The following TMEM184B variants were observed in gnomAD, a reference collection of about 807,000 sequenced individuals.
TMEM184B encodes putative MAPK-activating protein FM08.
Under a neutral mutation model 41.8 loss-of-function variants are expected in TMEM184B, and 17 were observed. The ratio of observed to expected loss-of-function variants is 0.41; its 90% CI spans 0.28 to 0.61. The LOEUF (loss-of-function observed/expected upper bound fraction) is 0.61. TMEM184B is among the 20% of genes least tolerant of loss of function. The pLI is 0.34. For missense variants in TMEM184B, 393 were observed against 557.8 expected, an observed-to-expected ratio of 0.70 and a Z score of 2.98; for synonymous variants, 240 against 229.5, an observed-to-expected ratio of 1.05 and a Z score of -0.41.
chr22:38,225,603 G>A lies in TMEM184B; in HGVS notation c.618-10C>T, dbSNP rs774748913. 24 of 1,601,086 alleles carry A rather than the reference G, an allele frequency of 1.5e-5. No homozygotes were observed. Among genetic ancestry groups the A allele is most frequent in the Middle Eastern group, 1.7e-4 (1 of 6,016 alleles). Reference sequence around the variant, plus strand: ...GTAGCCACTGGTGACGCTGCGGGACGGGGAGCATTTTCTGGCTGGGACAGA... The same window carrying A: ...GTAGCCACTGGTGACGCTGCGGGACAGGGAGCATTTTCTGGCTGGGACAGA... On this transcript the variant is annotated splice_polypyrimidine_tract_variant and intron_variant, in intron 6 of 8. Coordinates refer to ENST00000361906, the MANE Select transcript of TMEM184B (RefSeq NM_012264.5). The surrounding 1 kb of genome is among the most constrained non-coding windows in gnomAD (Gnocchi z 4.4).
At position 38,226,996 on chromosome 22, in the gene TMEM184B, G is replaced by A. The variant is rs989915636; in HGVS notation, c.526-126C>T. On this transcript the variant is annotated intron_variant, in intron 5 of 8. Transcript: ENST00000361906. This position sits in a 1 kb window ranked among gnomAD's most constrained non-coding sequence, Gnocchi z 4.6. ...AGAGGATGAAGGAGACGGAGAGGAC[G>A]GAGGGATGGAGGGACGGAGGGGATG... The A allele has an allele frequency of 5.0e-5, 45 of 904,410 alleles. No individual in the cohort carries two copies. The Middle Eastern group carries it at 1.6e-3, about 31-fold the overall frequency. 56.0% of individuals were successfully genotyped at this position (904,410 alleles called of 1,614,324 possible). A position where few individuals can be genotyped will look rare whatever the true frequency, so the allele number is the denominator to read the frequency against.
At chr22:38,264,102 G>A (rs1755120439) in intron 1 of TMEM184B, among the ~76,000 whole-genome samples, 1 of 152,224 alleles carries the variant, frequency 6.6e-6, no homozygotes. Context: ...ACCGCGACCA[G>A]CCAATACATA....
chr22:38,232,723 T>C (rs1423192193), intron 3 of TMEM184B, among the ~76,000 whole-genome samples: 1 of 152,046 alleles, frequency 6.6e-6, no homozygotes, highest in Non-Finnish European at 1.5e-5. Context: ...GCTTGGCACT[T>C]GATCTTTCAA....
chr22:38,232,479 G>A (rs1465122892), intron 3 of TMEM184B, among the ~76,000 whole-genome samples: 1 of 152,164 alleles, frequency 6.6e-6, no homozygotes, highest in Non-Finnish European at 1.5e-5. Context: ...GAAGGCGGGG[G>A]AAGGGGTGCA....
chr22:38,221,797 A>C (rs2146050437), intron 8 of TMEM184B, 87 bp from the exon 9 acceptor site: 3 of 1,543,972 alleles, frequency 1.9e-6, no homozygotes, highest in Non-Finnish European at 2.6e-6. Flanking sequence ...ATCCTGGGAC[A>C]GACACCCCCC....
chr22:38,269,248 T>C (rs2145794648), intron 1 of TMEM184B, among the ~76,000 whole-genome samples: 1 of 152,332 alleles, frequency 6.6e-6, no homozygotes, highest in South Asian at 2.1e-4. Flanking sequence ...GACGGAGTCT[T>C]GTTCTATCAC....
intron 3 of TMEM184B, among the ~76,000 whole-genome samples, chr22:38,245,540 G>T (rs35927814): frequency 2.2e-5 from 3 of 134,894 alleles, no homozygotes; most frequent in African/African-American, 5.7e-5. Flanking sequence ...GAGACCCAGG[G>T]GGAGGGCCCT....
rs2091451199 is a variant in TMEM184B, at chr22:38,226,741, A to G, written c.617+38T>C. On this transcript the variant is annotated intron_variant, in intron 6 of 8. Coordinates refer to ENST00000361906, the MANE Select transcript of TMEM184B (RefSeq NM_012264.5). The surrounding 1 kb of genome is among the most constrained non-coding windows in gnomAD (Gnocchi z 4.6). ...AGCCAAGGCACCAGCCTGCGCCAAC[A>G]CTCCTCCCACACACCCCGGGGAGCA... The G allele has an allele frequency of 2.6e-6, 4 of 1,555,144 alleles. No individual in the cohort carries two copies. Among genetic ancestry groups the G allele is most frequent in the East Asian group, 2.4e-5 (1 of 41,844 alleles).
chr22:38,225,043 CA>C lies in TMEM184B; in HGVS notation c.788-65del. ...TCCTTTCCTGCTCCCCCTTCTTCCA[CA>C]ATGCCCCATTCAGCTGCCCACATGC... is the stretch of plus-strand genomic sequence containing the variant. On this transcript the variant is annotated intron_variant, in intron 7 of 8. Transcript: ENST00000361906. The surrounding 1 kb of genome is among the most constrained non-coding windows in gnomAD (Gnocchi z 4.4). The C allele has an allele frequency of 2.0e-6, 3 of 1,467,368 alleles. No individual in the cohort carries two copies. Among genetic ancestry groups the C allele is most frequent in the Non-Finnish European group, 2.7e-6 (3 of 1,104,462 alleles). 90.9% of individuals were successfully genotyped at this position (1,467,368 alleles called of 1,614,324 possible).
At chr22:38,256,333 C>G (rs9610924) in intron 1 of TMEM184B, among the ~76,000 whole-genome samples, 50,136 of 151,828 alleles carry the variant, frequency 0.33, 8,438 homozygotes, top group Middle Eastern at 0.4. Flanking sequence ...CCTGCCTCAG[C>G]CTCCCAAGTA....
chr22:38,241,905 A>AAAAAAAAAAAAAAAAAC (rs2091917961), intron 3 of TMEM184B, among the ~76,000 whole-genome samples: 1 of 150,296 alleles, frequency 6.7e-6, no homozygotes, highest in Non-Finnish European at 1.5e-5. Flanking sequence ...AAAAAAAAAA[A>AAAAAAAAAAAAAAAAAC]AAGAACGAGA....
At chr22:38,217,106 C>A (rs1230741123), downstream of TMEM184B, among the ~76,000 whole-genome samples, 1 of 151,672 alleles carries the variant, frequency 6.6e-6, no homozygotes, top group Non-Finnish European at 1.5e-5. Context: ...GCGGGTGGAT[C>A]ATTTGAGGTC....
intron 1 of TMEM184B, among the ~76,000 whole-genome samples, chr22:38,265,463 T>G (rs1397563321): frequency 6.6e-6 from 1 of 152,102 alleles, no homozygotes; most frequent in Non-Finnish European, 1.5e-5. Context: ...GGGTAGCTAC[T>G]CAGCAGGAAG....
chr22:38,229,491 A>T (rs1051414409), intron 5 of TMEM184B, among the ~76,000 whole-genome samples: 1 of 152,242 alleles, frequency 6.6e-6, no homozygotes, highest in African/African-American at 2.4e-5. Flanking sequence ...TCAGAGGAAA[A>T]GCTGGAAATC....
downstream of TMEM184B, among the ~76,000 whole-genome samples, chr22:38,217,878 G>T (rs2091170013): frequency 1.3e-5 from 2 of 151,222 alleles, no homozygotes; most frequent in East Asian, 3.9e-4. Flanking sequence ...CAATTAGCCA[G>T]TCATGGTGGT....
At chr22:38,254,342 G>A (rs1384527209) in intron 1 of TMEM184B, among the ~76,000 whole-genome samples, 3 of 152,138 alleles carry the variant, frequency 2.0e-5, no homozygotes, top group African/African-American at 4.8e-5. Context: ...GCTCATGCCT[G>A]TAATCCCAAA....
Position 38,226,717 on chromosome 22 carries a change from G to T in TMEM184B, c.617+62C>A. 6.6e-7 allele frequency: 1 copy of T among 1,512,734 alleles called. No homozygotes were observed. The highest frequency in any genetic ancestry group is 9.0e-7 in the Non-Finnish European group (1 of 1,114,016). The allele number at this position is 1,512,734 out of a possible 1,614,324, so 93.7% of individuals were successfully genotyped here. Reference sequence around the variant, plus strand: ...CCACTCTGGCTGCCCCCTTCCCTGAGCCAAGGCACCAGCCTGCGCCAACAC... The same window carrying T: ...CCACTCTGGCTGCCCCCTTCCCTGATCCAAGGCACCAGCCTGCGCCAACAC... On this transcript the variant is annotated intron_variant, in intron 6 of 8. Transcript: ENST00000361906. This position sits in a 1 kb window ranked among gnomAD's most constrained non-coding sequence, Gnocchi z 4.6.
At position 38,220,644 on chromosome 22, in the gene TMEM184B, C is replaced by G. The variant is rs891704003; in HGVS notation, c.*825G>C. The G allele has an allele frequency of 2.0e-6, 2 of 986,110 alleles. No individual in the cohort carries two copies. Among genetic ancestry groups the G allele is most frequent in the African/African-American group, 3.5e-5 (2 of 57,262 alleles). 61.1% of individuals were successfully genotyped at this position (986,110 alleles called of 1,614,324 possible). A position where few individuals can be genotyped will look rare whatever the true frequency, so the allele number is the denominator to read the frequency against. On this transcript the variant is annotated 3_prime_UTR_variant, in exon 9 of 9. Transcript: ENST00000361906. Reference sequence around the variant, plus strand: ...TCAGCCTGGGAAGGAGGGCTGGGAGCCCCTGAGCCCTGAAGCAGCCAGGAA... The same window carrying G: ...TCAGCCTGGGAAGGAGGGCTGGGAGGCCCTGAGCCCTGAAGCAGCCAGGAA...
chr22:38,246,164 G>A, intron 2 of TMEM184B, 64 bp from the exon 3 acceptor site: 1 of 1,567,676 alleles, frequency 6.4e-7, no homozygotes, highest in Non-Finnish European at 8.6e-7. Context: ...AGGGCAGGTG[G>A]GCTTCCAGCT....
Sources: allele counts gnomAD v4.1 joint callset (sites outside exome capture counted in the v4.1 genomes callset), GRCh38; gene constraint gnomAD v4.1.1; non-coding constraint Gnocchi (gnomAD v3.1); transcripts MANE v1.5; gene names NCBI Gene and HGNC (gene_info 2026-07-23, HGNC 2026-07-21).